The following EMCN variants were observed in gnomAD, a reference collection of about 807,000 sequenced individuals.
EMCN encodes endomucin, also known as MUC-14.
In EMCN, 37 loss-of-function variants were observed where a neutral mutation model predicts 38.4. That is an observed-to-expected ratio of 0.96 (90% CI 0.74 to 1.27). EMCN has a LOEUF of 1.27. Ranked by LOEUF, EMCN falls within the 50% of genes most tolerant of loss-of-function variation. The probability of loss-of-function intolerance (pLI) is 0.00; values close to 1 mark genes in which losing one functional copy is unlikely to be tolerated. For synonymous variants in EMCN, 95 were observed against 100.8 expected, an observed-to-expected ratio of 0.94 and a Z score of 0.35; for missense variants, 318 against 302.8, an observed-to-expected ratio of 1.05 and a Z score of -0.37.
At chr4:100,421,627 T>C (rs1262981529) in intron 7 of EMCN, among the ~76,000 whole-genome samples, 2 of 152,070 alleles carry the variant, frequency 1.3e-5, no homozygotes, top group Non-Finnish European at 2.9e-5. Flanking sequence ...TGCCCCCATC[T>C]TCCTGGAGAC....
intron 5 of EMCN, among the ~76,000 whole-genome samples, chr4:100,445,724 AC>A (rs1455006627): frequency 1.3e-5 from 2 of 152,310 alleles, no homozygotes; most frequent in South Asian, 2.1e-4. Context: ...TCTGAAAAAA[AC>A]CAGAAGTATA....
rs1299659440 is a variant in EMCN at position 100,411,613 on chromosome 4, A to G, written c.752-1258T>C. Among the ~76,000 whole-genome samples, 9 of 152,202 alleles carry G rather than the reference A, an allele frequency of 5.9e-5. No individual in the cohort carries two copies. In the East Asian group the frequency reaches 1.7e-3, roughly 29 times the overall value. On this transcript the variant is annotated intron_variant, in intron 10 of 11. Coordinates refer to ENST00000296420, the MANE Select transcript of EMCN (RefSeq NM_016242.4). The stretch of plus-strand genomic sequence containing the variant: ...GAAAAAAAAATCCAGAGGGAAATAT[A>G]TCAAATACCAGTAGTGGTTGTATGA...
intron 1 of EMCN, among the ~76,000 whole-genome samples, chr4:100,511,682 A>G (rs1729628531): frequency 6.6e-6 from 1 of 152,216 alleles, no homozygotes; most frequent in Non-Finnish European, 1.5e-5. Context: ...GAAGGGTAGT[A>G]CATATTAATG....
chr4:100,476,069 CAT>C (rs995273634), intron 2 of EMCN, among the ~76,000 whole-genome samples: 7 of 152,066 alleles, frequency 4.6e-5, no homozygotes, highest in Non-Finnish European at 7.4e-5. Flanking sequence ...ACTCATATAA[CAT>C]ATGAAAATCA....
chr4:100,441,566 T>C (rs1316654745), intron 5 of EMCN, among the ~76,000 whole-genome samples: 3 of 152,200 alleles, frequency 2.0e-5, no homozygotes, highest in Admixed American at 2.0e-4. Context: ...TGATTATTGG[T>C]AGCTTCGTTT....
intron 8 of EMCN, among the ~76,000 whole-genome samples, chr4:100,418,932 T>A (rs564772188): frequency 1.3e-4 from 20 of 152,184 alleles, no homozygotes; most frequent in African/African-American, 2.6e-4. Context: ...GATCATATAG[T>A]AGCTGTATTT....
At chr4:100,406,256 G>T (rs1473894303) in intron 11 of EMCN, among the ~76,000 whole-genome samples, 1 of 151,754 alleles carries the variant, frequency 6.6e-6, no homozygotes, top group Non-Finnish European at 1.5e-5. Flanking sequence ...TCTGATTTTG[G>T]TTATTTTTCT....
At chr4:100,493,180 G>A (rs769277915) in intron 1 of EMCN, among the ~76,000 whole-genome samples, 2 of 152,040 alleles carry the variant, frequency 1.3e-5, no homozygotes, top group Admixed American at 1.3e-4. Flanking sequence ...AGTAAGTTCA[G>A]GACACTAAAA....
intron 3 of EMCN, among the ~76,000 whole-genome samples, chr4:100,470,738 A>T (rs1728454249): frequency 6.6e-6 from 1 of 152,088 alleles, no homozygotes; most frequent in Non-Finnish European, 1.5e-5. Flanking sequence ...CTGCAGGAAT[A>T]TGGATGAAGC....
chr4:100,479,370 T>G (rs1451084475), intron 2 of EMCN, among the ~76,000 whole-genome samples: 1 of 152,174 alleles, frequency 6.6e-6, no homozygotes, highest in Non-Finnish European at 1.5e-5. Context: ...CTCTTGTTTT[T>G]TTTAATGGAA....
intron 5 of EMCN, among the ~76,000 whole-genome samples, chr4:100,423,809 G>C (rs1224105003): frequency 6.6e-6 from 1 of 151,964 alleles, no homozygotes; most frequent in Non-Finnish European, 1.5e-5. Context: ...GATCATAACT[G>C]CACAGGACGT....
At chr4:100,471,070 C>T (rs770485984) in intron 3 of EMCN, among the ~76,000 whole-genome samples, 11 of 151,438 alleles carry the variant, frequency 7.3e-5, no homozygotes, top group Non-Finnish European at 1.3e-4. Flanking sequence ...TAAACCCATA[C>T]GAAGCCGTGG....
intron 11 of EMCN, among the ~76,000 whole-genome samples, chr4:100,409,545 T>C (rs187249668): frequency 6.6e-6 from 1 of 152,318 alleles, no homozygotes; most frequent in African/African-American, 2.4e-5. Flanking sequence ...ACAATTATTG[T>C]AGTAAGATTG....
At chr4:100,499,547 T>G (rs1729295163) in intron 1 of EMCN, among the ~76,000 whole-genome samples, 1 of 152,216 alleles carries the variant, frequency 6.6e-6, no homozygotes, top group Non-Finnish European at 1.5e-5. Flanking sequence ...AATTAAAGTC[T>G]TCAGAAGAAT....
At chr4:100,479,844 CATACTGAT>C in intron 2 of EMCN, 65 bp downstream of exon 2, 1 of 1,222,888 alleles carries the variant, frequency 8.2e-7, no homozygotes, top group Non-Finnish European at 1.1e-6. Context: ...ATTATTTTTT[CATACTGAT>C]GTATATACAT....
At chr4:100,472,956 ACTT>A in intron 3 of EMCN, among the ~76,000 whole-genome samples, 1 of 148,614 alleles carries the variant, frequency 6.7e-6, no homozygotes, top group East Asian at 2.0e-4. Flanking sequence ...CATAAAATAA[ACTT>A]CTATATATAT....
chr4:100,403,775 A>G (rs1174131388), intron 11 of EMCN, among the ~76,000 whole-genome samples: 1 of 151,942 alleles, frequency 6.6e-6, no homozygotes, highest in Non-Finnish European at 1.5e-5. Context: ...TCTGACTGAT[A>G]TGAGACAGCA....
intron 1 of EMCN, among the ~76,000 whole-genome samples, chr4:100,504,328 T>C (rs1729423909): frequency 6.6e-6 from 1 of 152,160 alleles, no homozygotes; most frequent in South Asian, 2.1e-4. Context: ...TCGGGAGAGT[T>C]GTTAACCATG....
At chr4:100,439,724 CTTAT>C (rs1366928138) in intron 5 of EMCN, among the ~76,000 whole-genome samples, 1 of 151,466 alleles carries the variant, frequency 6.6e-6, no homozygotes, top group Non-Finnish European at 1.5e-5. Flanking sequence ...TGTTAGATTA[CTTAT>C]TTGAGATTCT....
Sources: allele counts gnomAD v4.1 joint callset (sites outside exome capture counted in the v4.1 genomes callset), GRCh38; gene constraint gnomAD v4.1.1; transcripts MANE v1.5; gene names NCBI Gene and HGNC (gene_info 2026-07-23, HGNC 2026-07-21).